HIVEP3: variants seen among roughly 807,000 people sequenced by gnomAD.
HIVEP3 encodes HIVEP zinc finger 3, also known as transcription factor HIVEP3.
HIVEP3 carries 49 observed loss-of-function variants against 152.8 expected under a neutral mutation model. The ratio of observed to expected loss-of-function variants is 0.32; its 90% CI spans 0.26 to 0.41. HIVEP3 has a LOEUF of 0.41. HIVEP3 is among the 10% of genes least tolerant of loss of function. The pLI, the probability that HIVEP3 is intolerant of heterozygous loss-of-function variation, is 1.00. For synonymous variants in HIVEP3, 1,269 were observed against 1,289.0 expected (o/e 0.98, Z 0.33); for missense variants, 2,790 against 3,103.3 (o/e 0.90, Z 2.40).
chr1:41,969,914 C>T (rs537008225), intron 1 of HIVEP3, among the ~76,000 whole-genome samples: 3 of 152,152 alleles, frequency 2.0e-5, no homozygotes, highest in African/African-American at 7.2e-5. Context: ...AGACACTTCT[C>T]AAAAGAAGAC....
intron 2 of HIVEP3, among the ~76,000 whole-genome samples, chr1:41,693,412 CT>C (rs1163465758): frequency 2.0e-5 from 3 of 152,202 alleles, no homozygotes; most frequent in Non-Finnish European, 4.4e-5. Context: ...TCCTTTGCCC[CT>C]GGGTGATGAC....
intron 1 of HIVEP3, among the ~76,000 whole-genome samples, chr1:41,702,750 C>G (rs755919741): frequency 1.7e-4 from 26 of 152,196 alleles, no homozygotes; most frequent in Admixed American, 7.9e-4. Context: ...GGTCTCCCAG[C>G]AGATATTAAT....
chr1:41,616,335 C>T (rs1165186866), intron 3 of HIVEP3, among the ~76,000 whole-genome samples: 1 of 152,208 alleles, frequency 6.6e-6, no homozygotes, highest in Non-Finnish European at 1.5e-5. Context: ...TTGTTCCCCA[C>T]CTGCACAAAG....
At chr1:41,661,408 G>A (rs1048571895) in intron 2 of HIVEP3, among the ~76,000 whole-genome samples, 1 of 152,220 alleles carries the variant, frequency 6.6e-6, no homozygotes, top group African/African-American at 2.4e-5. Context: ...GGGTTGGGGA[G>A]GGTGCTCTCA....
chr1:41,729,311 T>C (rs1394437723), intron 1 of HIVEP3, among the ~76,000 whole-genome samples: 1 of 152,188 alleles, frequency 6.6e-6, no homozygotes, highest in Non-Finnish European at 1.5e-5. Flanking sequence ...ATGCTATCTC[T>C]CACCCTGGCT....
chr1:41,591,328 T>G (rs1644584244), intron 3 of HIVEP3, among the ~76,000 whole-genome samples: 1 of 151,980 alleles, frequency 6.6e-6, no homozygotes, highest in African/African-American at 2.4e-5. Flanking sequence ...ACCAGGATAT[T>G]GGGAGAGACC....
At chr1:41,829,806 A>G (rs1642910390) in intron 1 of HIVEP3, among the ~76,000 whole-genome samples, 1 of 152,224 alleles carries the variant, frequency 6.6e-6, no homozygotes, top group East Asian at 1.9e-4. Flanking sequence ...CAGTTAAAAA[A>G]AAAAAGCTCA....
intron 2 of HIVEP3, among the ~76,000 whole-genome samples, chr1:41,681,417 G>A (rs188589625): frequency 1.1e-4 from 16 of 152,316 alleles, no homozygotes; most frequent in Non-Finnish European, 2.2e-4. Context: ...TTATCAATGG[G>A]CTTTGGAGAT....
intron 1 of HIVEP3, among the ~76,000 whole-genome samples, chr1:41,728,964 C>T (rs1027559323): frequency 5.3e-5 from 8 of 152,120 alleles, no homozygotes; most frequent in Admixed American, 1.3e-4. Context: ...AGCTGCTGTC[C>T]CAGCCACACT....
chr1:41,712,605 A>G (rs1646530605), intron 1 of HIVEP3, among the ~76,000 whole-genome samples: 1 of 152,214 alleles, frequency 6.6e-6, no homozygotes, highest in South Asian at 2.1e-4. Context: ...CAGGACAATA[A>G]AGGCTCTGCC....
chr1:41,781,135 G>A lies in HIVEP3; in HGVS notation c.-800-80140C>T, dbSNP rs528640999. 1.1e-4 allele frequency among the ~76,000 whole-genome samples: 16 copies of A among 152,312 alleles called. No individual in the cohort carries two copies. The East Asian group carries it at 1.9e-3, about 18-fold the overall frequency. ...GGCTGACCAGAGGAATGAGAAGGCC[G>A]TGTGCATTTGGGTGGATTGAGCACC... is the stretch of plus-strand genomic sequence containing the variant. On this transcript the variant is annotated intron_variant, in intron 1 of 8. Coordinates refer to ENST00000372583, the MANE Select transcript of HIVEP3 (RefSeq NM_024503.5).
At position 41,769,050 on chromosome 1, in the gene HIVEP3, C is replaced by T. The variant is rs1191251894; in HGVS notation, c.-800-68055G>A. On this transcript the variant is annotated intron_variant, in intron 1 of 8. Transcript: ENST00000372583. Reference sequence around the variant, plus strand: ...CTTGGCCAGCGTGTTGCAATGCAAGCGCTTTCTGATCAATATCTGTTAGCA... The same window carrying T: ...CTTGGCCAGCGTGTTGCAATGCAAGTGCTTTCTGATCAATATCTGTTAGCA... Among the ~76,000 whole-genome samples the T allele has an allele frequency of 7.2e-5, 11 of 152,326 alleles. No homozygotes were observed. The South Asian group carries it at 2.3e-3, about 32-fold the overall frequency.
chr1:41,525,270 A>T lies in HIVEP3; in HGVS notation c.5208-360T>A, dbSNP rs1197150346. Among the ~76,000 whole-genome samples the T allele has an allele frequency of 2.0e-5, 3 of 147,506 alleles. No homozygotes were observed. In the Admixed American group the frequency reaches 2.0e-4, roughly 10 times the overall value. On this transcript the variant is annotated intron_variant, in intron 5 of 8. Coordinates refer to ENST00000372583, the MANE Select transcript of HIVEP3 (RefSeq NM_024503.5). Reference sequence around the variant, plus strand: ...AAGAACAGCCACCGCAGGCCACCAGAGTCCCAGAGAGGGAATGATGATAAT... The same window carrying T: ...AAGAACAGCCACCGCAGGCCACCAGTGTCCCAGAGAGGGAATGATGATAAT...
Position 41,582,684 on chromosome 1 carries a change from G to A in HIVEP3, c.2114C>T (p.Thr705Ile). 6.2e-7 allele frequency: 1 copy of A among 1,614,110 alleles called. No homozygotes were observed. The highest frequency in any genetic ancestry group is 8.5e-7 in the Non-Finnish European group (1 of 1,180,028). The change falls in exon 4 of 9, where the codon ACC becomes ATC. Residue 705 changes from threonine (T) to isoleucine (I), a missense_variant. Around this residue, in one of 9 missense-constraint regions of HIVEP3, gnomAD observed 339 missense variants for 327.0 expected, o/e 1.04. Coordinates refer to ENST00000372583, the MANE Select transcript of HIVEP3 (RefSeq NM_024503.5). This position sits in a 1 kb window ranked among gnomAD's most constrained non-coding sequence, Gnocchi z 4.7. ...WSQMMHYKLG[T>I]TLELTPLRKR... ...CCTCAGTGGAGTGAGTTCCAGGGTG[G>A]TTCCCAGTTTGTAATGCATCATTTG...
intron 3 of HIVEP3, among the ~76,000 whole-genome samples, chr1:41,600,593 C>CT (rs1644732454): frequency 6.6e-6 from 1 of 152,150 alleles, no homozygotes; most frequent in African/African-American, 2.4e-5. Flanking sequence ...ACAGTTTCAG[C>CT]TTTTCAGAAT....
chr1:41,836,831 C>G (rs1426572499), intron 1 of HIVEP3, among the ~76,000 whole-genome samples: 9 of 152,186 alleles, frequency 5.9e-5, no homozygotes, highest in Non-Finnish European at 7.3e-5. Flanking sequence ...TCCCTATAAC[C>G]CAACAACTCT....
Position 41,964,256 on chromosome 1 carries a change from C to T in HIVEP3, n.120-45732G>A, listed in dbSNP as rs116888622. Among the ~76,000 whole-genome samples, 113 of 152,254 alleles carry T rather than the reference C, an allele frequency of 7.4e-4. 3 individuals are homozygous for T. In the East Asian group the frequency reaches 0.02, roughly 27 times the overall value. On this transcript the variant is annotated intron_variant and non_coding_transcript_variant, in intron 1 of 3. Coordinates refer to the HIVEP3 transcript ENST00000489103. ...GACTGACTAGGCAGTTGATGTGACC[C>T]ACGCAGAGCGAGGAAAAGCAGGCTG...
intron 1 of HIVEP3, among the ~76,000 whole-genome samples, chr1:41,981,491 T>A (rs1462243208): frequency 1.3e-5 from 2 of 151,582 alleles, no homozygotes; most frequent in Non-Finnish European, 2.9e-5. Flanking sequence ...TCTGCTGAGC[T>A]GGCGGCTGGA....
At chr1:41,613,091 G>A (rs1408909794) in intron 3 of HIVEP3, among the ~76,000 whole-genome samples, 2 of 152,242 alleles carry the variant, frequency 1.3e-5, no homozygotes, top group Non-Finnish European at 2.9e-5. Context: ...CAGGAGCACT[G>A]GGCGCGGAGT....
Sources: allele counts gnomAD v4.1 joint callset (sites outside exome capture counted in the v4.1 genomes callset), GRCh38; gene constraint gnomAD v4.1.1; regional missense constraint gnomAD v4.1.1; non-coding constraint Gnocchi (gnomAD v3.1); transcripts MANE v1.5; gene names NCBI Gene and HGNC (gene_info 2026-07-23, HGNC 2026-07-21).